GART: variants seen among roughly 807,000 people sequenced by gnomAD.
GART encodes the protein trifunctional purine biosynthetic protein adenosine-3.
Under a neutral mutation model 107.2 loss-of-function variants are expected in GART, and 43 were observed. That is an observed-to-expected ratio of 0.40 (90% confidence interval 0.31 to 0.52). GART has a LOEUF of 0.52. Among genes scored for constraint, GART ranks in the 20% least tolerant of loss-of-function variants. The pLI, the probability that GART is intolerant of heterozygous loss-of-function variation, is 0.52. For synonymous variants in GART, 434 were observed against 427.0 expected (o/e 1.02, Z -0.20); for missense variants, 1,107 against 1,206.5 (o/e 0.92, Z 1.22).
chr21:33,518,632 C>T (rs2084918541), intron 14 of GART: 2 of 372,078 alleles, frequency 5.4e-6, no homozygotes, highest in Admixed American at 3.4e-5. Context: ...ATAGCAGCTC[C>T]TAGTTACTTC....
At chr21:33,506,147 CTTTTTT>C in intron 18 of GART, 43 bp from the exon 19 acceptor site, 1 of 1,252,280 alleles carries the variant, frequency 8.0e-7, no homozygotes, top group Non-Finnish European at 1.1e-6. Flanking sequence ...ACTACTACTT[CTTTTTT>C]TTTTTTTGAG....
chr21:33,539,217 G>T lies in GART; in HGVS notation c.99C>A (p.Ala33=). 1 of 1,614,020 alleles carries T rather than the reference G, an allele frequency of 6.2e-7. No homozygotes were observed. Among genetic ancestry groups the T allele is most frequent in the Non-Finnish European group, 8.5e-7 (1 of 1,179,970 alleles). ...AGCAGGCAGTGCCTGCGTTTCCTGGGGCAACCAACACTTGTTTGACATGAT... is the reference window on the plus strand; with the variant it reads ...AGCAGGCAGTGCCTGCGTTTCCTGGTGCAACCAACACTTGTTTGACATGAT... ...QSHHVKQVLV[A]PGNAGTACSE... The change falls in exon 2 of 22, where the codon GCC becomes GCA. Residue 33 remains alanine, a synonymous_variant. Transcript: ENST00000381815.
chr21:33,532,022 G>T, intron 5 of GART: 1 of 288,820 alleles, frequency 3.5e-6, no homozygotes. Context: ...CTTAGACCCG[G>T]GACATGTGGG....
At chr21:33,538,633 G>T (rs2085348924) in intron 2 of GART, among the ~76,000 whole-genome samples, 1 of 152,180 alleles carries the variant, frequency 6.6e-6, no homozygotes, top group South Asian at 2.1e-4. Flanking sequence ...TCCAATGGAT[G>T]TGTTTTATCA....
intron 2 of GART, 43 bp from the exon 3 acceptor site, chr21:33,535,363 A>G: frequency 8.0e-7 from 1 of 1,242,846 alleles, no homozygotes; most frequent in Non-Finnish European, 1.1e-6. Context: ...GCATTTACAA[A>G]AACATTCCAC....
chr21:33,542,730 A>C (rs2145786838), upstream of GART: 1 of 229,252 alleles, frequency 4.4e-6, no homozygotes, highest in Non-Finnish European at 8.7e-6. Flanking sequence ...TTCGCCTTTA[A>C]TCTCAGGCAC....
intron 2 of GART, among the ~76,000 whole-genome samples, chr21:33,535,522 T>A (rs2085288565): frequency 6.6e-6 from 1 of 152,076 alleles, no homozygotes; most frequent in Non-Finnish European, 1.5e-5. Flanking sequence ...AGAGCTCAGT[T>A]CTCCGTTATC....
At chr21:33,515,426 G>A (rs1192926758) in intron 16 of GART, among the ~76,000 whole-genome samples, 2 of 152,082 alleles carry the variant, frequency 1.3e-5, no homozygotes, top group Non-Finnish European at 2.9e-5. Flanking sequence ...TGGATCATGA[G>A]GTCAAGAGAT....
chr21:33,506,749 G>A (rs1438466817), intron 18 of GART, among the ~76,000 whole-genome samples: 1 of 152,112 alleles, frequency 6.6e-6, no homozygotes, highest in Non-Finnish European at 1.5e-5. Context: ...GATTAAAAAT[G>A]GGCAAAAGAT....
chr21:33,530,221 C>A (rs2027592), intron 7 of GART, among the ~76,000 whole-genome samples: 103,512 of 152,126 alleles, frequency 0.68, 35,281 homozygotes, highest in African/African-American at 0.73. Context: ...AAAACTGTGC[C>A]GAAATTGTTT....
Position 33,531,757 on chromosome 21 carries a change from T to A in GART, c.529-200A>T, listed in dbSNP as rs544703099. ...AATGTGGCAATAGTGTAGCTAACACTGGTACAGACGGAATAAACACACCTC... is the reference window on the plus strand; with the variant it reads ...AATGTGGCAATAGTGTAGCTAACACAGGTACAGACGGAATAAACACACCTC... On this transcript the variant is annotated intron_variant, in intron 5 of 21. Transcript: ENST00000381815. 21 of 533,182 alleles carry A rather than the reference T, an allele frequency of 3.9e-5. 1 individual carries two copies. The highest frequency in any genetic ancestry group is 2.5e-4 in the African/African-American group (13 of 52,880). 33.0% of individuals were successfully genotyped at this position (533,182 alleles called of 1,614,324 possible). A position where few individuals can be genotyped will look rare whatever the true frequency, so the allele number is the denominator to read the frequency against.
At chr21:33,540,362 A>C (rs2085389743) in intron 1 of GART, among the ~76,000 whole-genome samples, 1 of 152,186 alleles carries the variant, frequency 6.6e-6, no homozygotes, top group African/African-American at 2.4e-5. Flanking sequence ...AATTTCATAA[A>C]ATTTTCACAT....
At chr21:33,524,652 T>C (rs1372006929) in intron 11 of GART, 117 bp downstream of exon 11, 3 of 1,487,910 alleles carry the variant, frequency 2.0e-6, no homozygotes, top group Admixed American at 4.9e-5. Context: ...CAAGACTGTA[T>C]CACTCCCACA....
At chr21:33,527,495 A>G (rs758879360) in intron 10 of GART, among the ~76,000 whole-genome samples, 1 of 152,090 alleles carries the variant, frequency 6.6e-6, no homozygotes. Flanking sequence ...AGCCTGGGTG[A>G]CAGAGCTAGA....
intron 13 of GART, 87 bp from the exon 14 acceptor site, chr21:33,520,649 A>T (rs2084956733): frequency 1.7e-6 from 2 of 1,186,438 alleles, no homozygotes; most frequent in Non-Finnish European, 2.4e-6. Context: ...TTAACACCTA[A>T]AAACAAAAGA....
chr21:33,536,467 G>A (rs955882759), intron 2 of GART, among the ~76,000 whole-genome samples: 1 of 152,200 alleles, frequency 6.6e-6, no homozygotes, highest in Non-Finnish European at 1.5e-5. Context: ...TATTTGTGAT[G>A]TACAGTTGTC....
At chr21:33,520,144 C>T (rs548232397) in intron 14 of GART, among the ~76,000 whole-genome samples, 5 of 152,138 alleles carry the variant, frequency 3.3e-5, no homozygotes, top group East Asian at 3.9e-4. Flanking sequence ...TTTGGGAGTA[C>T]GGGTCTAGAG....
At chr21:33,540,662 T>C (rs1414845703) in intron 1 of GART, among the ~76,000 whole-genome samples, 2 of 152,216 alleles carry the variant, frequency 1.3e-5, no homozygotes, top group Non-Finnish European at 2.9e-5. Context: ...CACTCAGCAG[T>C]AGTAAATGTT....
chr21:33,539,268 C>G lies in GART; in HGVS notation c.48G>C (p.Thr16=), dbSNP rs753095184. The change falls in exon 2 of 22, where the codon ACG becomes ACC. Residue 16 remains threonine, a synonymous_variant. Coordinates refer to ENST00000381815, the MANE Select transcript of GART (RefSeq NM_000819.5). ...LIIGSGGREH[T]LAWKLAQSHH... is the part of the protein sequence containing the mutation. ...GAGACTGTGCAAGTTTCCAGGCCAG[C>G]GTATGTTCCCTTCCTCCACTGCCAA... 1 of 1,613,942 alleles carries G rather than the reference C, an allele frequency of 6.2e-7. No homozygotes were observed. The highest frequency in any genetic ancestry group is 1.3e-5 in the African/African-American group (1 of 74,902).
Sources: allele counts gnomAD v4.1 joint callset (sites outside exome capture counted in the v4.1 genomes callset), GRCh38; gene constraint gnomAD v4.1.1; transcripts MANE v1.5; gene names NCBI Gene and HGNC (gene_info 2026-07-23, HGNC 2026-07-21).